The following CSMD1 variants were observed in gnomAD, a reference collection of about 807,000 sequenced individuals.
CSMD1 encodes the protein CUB and sushi domain-containing protein 1.
A neutral mutation model predicts 417.5 loss-of-function variants in CSMD1; 213 were observed. That is an observed-to-expected ratio of 0.51 (90% CI 0.46 to 0.57). The LOEUF (loss-of-function observed/expected upper bound fraction) is 0.57. Among genes scored for constraint, CSMD1 ranks in the 20% least tolerant of loss-of-function variants. CSMD1 has a pLI of 0.00. For missense variants in CSMD1, 6,923 were observed against 4,529.7 expected, an observed-to-expected ratio of 1.53 and a Z score of -15.17; for synonymous variants, 2,862 against 1,736.8, an observed-to-expected ratio of 1.65 and a Z score of -16.11.
chr8:3,274,059 G>A (rs1279302305), intron 26 of CSMD1, among the ~76,000 whole-genome samples: 3 of 151,056 alleles, frequency 2.0e-5, no homozygotes, highest in African/African-American at 7.3e-5. Context: ...TCTCTTGTGG[G>A]CATTTAGTGC....
chr8:4,234,764 A>G (rs1467329603), intron 3 of CSMD1, among the ~76,000 whole-genome samples: 2 of 152,104 alleles, frequency 1.3e-5, no homozygotes, highest in Non-Finnish European at 2.9e-5. Flanking sequence ...TCCCAGAACA[A>G]AAGATCTGGG....
intron 1 of CSMD1, among the ~76,000 whole-genome samples, chr8:4,746,592 G>A (rs953994913): frequency 6.6e-6 from 1 of 152,136 alleles, no homozygotes; most frequent in Non-Finnish European, 1.5e-5. Flanking sequence ...CTATTCTAGC[G>A]AGCATGCATT....
At chr8:3,286,638 T>C (rs917263853) in intron 25 of CSMD1, among the ~76,000 whole-genome samples, 1 of 150,836 alleles carries the variant, frequency 6.6e-6, no homozygotes, top group Non-Finnish European at 1.5e-5. Flanking sequence ...TTGAGAAGTG[T>C]CTGTTCATAT....
intron 49 of CSMD1, among the ~76,000 whole-genome samples, chr8:3,083,992 G>A (rs1271300894): frequency 6.6e-6 from 1 of 151,998 alleles, no homozygotes; most frequent in African/African-American, 2.4e-5. Context: ...ATTACACTGT[G>A]AATCCCTTGG....
intron 1 of CSMD1, among the ~76,000 whole-genome samples, chr8:4,969,869 T>C (rs1483144119): frequency 1.3e-5 from 2 of 151,484 alleles, no homozygotes; most frequent in African/African-American, 2.4e-5. Context: ...TAGGATATAG[T>C]GTCACTACGA....
intron 3 of CSMD1, among the ~76,000 whole-genome samples, chr8:4,259,614 A>G (rs567265639): frequency 3.3e-4 from 50 of 152,248 alleles, no homozygotes; most frequent in African/African-American, 1.2e-3. Context: ...TCAAAACTTT[A>G]CAAATATAGT....
chr8:4,794,108 G>A (rs1007718998), intron 1 of CSMD1, among the ~76,000 whole-genome samples: 2 of 152,136 alleles, frequency 1.3e-5, no homozygotes, highest in Non-Finnish European at 2.9e-5. Context: ...AGTCAGATAA[G>A]TACTGTTCCC....
chr8:3,108,530 G>A (rs780238110), intron 44 of CSMD1, 73 bp downstream of exon 44: 3 of 1,469,230 alleles, frequency 2.0e-6, no homozygotes, highest in Non-Finnish European at 2.8e-6. Context: ...CTGGAAACAA[G>A]GCGTGGGACA....
chr8:4,229,571 C>T (rs1477750140), intron 3 of CSMD1, among the ~76,000 whole-genome samples: 1 of 152,174 alleles, frequency 6.6e-6, no homozygotes, highest in Non-Finnish European at 1.5e-5. Context: ...TCCTCAGCAC[C>T]TTACAGGACC....
intron 7 of CSMD1, among the ~76,000 whole-genome samples, chr8:3,629,733 C>T (rs894745232): frequency 2.0e-5 from 2 of 98,308 alleles, no homozygotes; most frequent in Non-Finnish European, 5.1e-5. Flanking sequence ...AGGTAAAACA[C>T]TATATGCCAA....
intron 30 of CSMD1, among the ~76,000 whole-genome samples, chr8:3,206,701 G>A (rs1047727154): frequency 1.3e-5 from 2 of 149,872 alleles, no homozygotes; most frequent in Admixed American, 1.3e-4. Context: ...TGTGTGGGGG[G>A]TTATGTCTGT....
At chr8:4,408,646 A>C (rs565390315) in intron 3 of CSMD1, among the ~76,000 whole-genome samples, 14 of 152,314 alleles carry the variant, frequency 9.2e-5, no homozygotes, top group Admixed American at 7.8e-4. Context: ...CACCATTTCA[A>C]GTTGATCAAT....
At chr8:3,948,290 G>C (rs1053276052) in intron 5 of CSMD1, among the ~76,000 whole-genome samples, 2 of 152,084 alleles carry the variant, frequency 1.3e-5, no homozygotes, top group Admixed American at 6.5e-5. Flanking sequence ...AAAACAAAAA[G>C]TCATGTTAGT....
At chr8:4,442,323 A>G (rs1223423762) in intron 2 of CSMD1, among the ~76,000 whole-genome samples, 1 of 152,184 alleles carries the variant, frequency 6.6e-6, no homozygotes, top group Non-Finnish European at 1.5e-5. Context: ...CAAAGTATAA[A>G]GTAGAAGTTC....
At chr8:3,193,297 G>A (rs1796521425) in intron 33 of CSMD1, among the ~76,000 whole-genome samples, 1 of 152,120 alleles carries the variant, frequency 6.6e-6, no homozygotes, top group African/African-American at 2.4e-5. Context: ...CAAGGAAAAT[G>A]ACAATAAATG....
chr8:4,494,764 T>C (rs976333235), intron 2 of CSMD1, among the ~76,000 whole-genome samples: 1 of 152,184 alleles, frequency 6.6e-6, no homozygotes, highest in African/African-American at 2.4e-5. Context: ...TGATTACCTA[T>C]TCTCTATCAT....
chr8:2,941,694 G>A (rs890465044), intron 69 of CSMD1, among the ~76,000 whole-genome samples: 2 of 152,138 alleles, frequency 1.3e-5, no homozygotes, highest in African/African-American at 2.4e-5. Flanking sequence ...AAATTGATGG[G>A]TATTCAGAAC....
At chr8:4,505,363 C>T (rs990982033) in intron 2 of CSMD1, among the ~76,000 whole-genome samples, 1 of 151,976 alleles carries the variant, frequency 6.6e-6, no homozygotes, top group African/African-American at 2.4e-5. Context: ...GATCACTGAA[C>T]CTAATTCTGT....
intron 7 of CSMD1, among the ~76,000 whole-genome samples, chr8:3,681,960 A>G (rs879330750): frequency 6.6e-6 from 1 of 152,336 alleles, no homozygotes; most frequent in East Asian, 1.9e-4. Flanking sequence ...CTATTCAACA[A>G]ATGGTGCTGG....
Sources: gnomAD v4.1 joint callset for allele counts (sites outside exome capture counted in the v4.1 genomes callset) on GRCh38, gnomAD v4.1.1 for gene constraint, MANE v1.5 for transcripts, NCBI Gene and HGNC (gene_info 2026-07-23, HGNC 2026-07-21) for gene names.